Variants in RMST observed in about 807,000 individuals in gnomAD.
RMST encodes long intergenic non-protein coding RNA 54.
chr12:97,519,110 C>T (rs1481975065), intron 10 of RMST, among the ~76,000 whole-genome samples: 1 of 152,154 alleles, frequency 6.6e-6, no homozygotes, highest in Non-Finnish European at 1.5e-5. Context: ...AATTCTATAT[C>T]TTTATCCCTC....
intron 5 of RMST, among the ~76,000 whole-genome samples, chr12:97,482,562 C>A (rs1875441727): frequency 6.7e-6 from 1 of 150,198 alleles, no homozygotes; most frequent in South Asian, 2.1e-4. Context: ...GCAGGAATTT[C>A]TCAAAGATTA....
At chr12:97,532,645 G>GTTTTTTTT (rs34556876) in intron 11 of RMST, 19 of 98,370 alleles carry the variant, frequency 1.9e-4, no homozygotes, top group African/African-American at 7.3e-4. Flanking sequence ...CTGATGTCCC[G>GTTTTTTTT]TTTTTTTTTT....
chr12:97,470,916 TA>T (rs1259730613), intron 5 of RMST, among the ~76,000 whole-genome samples: 2 of 152,106 alleles, frequency 1.3e-5, no homozygotes, highest in Non-Finnish European at 2.9e-5. Flanking sequence ...TTATTTTCAA[TA>T]AAAGCCGAAT....
chr12:97,463,661 C>G (rs369212534), intron 4 of RMST, among the ~76,000 whole-genome samples: 3 of 152,150 alleles, frequency 2.0e-5, no homozygotes, highest in African/African-American at 7.2e-5. Flanking sequence ...TATTTTTACA[C>G]TCAACTGTAC....
intron 5 of RMST, among the ~76,000 whole-genome samples, chr12:97,479,822 T>A (rs1331675495): frequency 1.3e-5 from 2 of 152,220 alleles, no homozygotes; most frequent in Non-Finnish European, 2.9e-5. Flanking sequence ...GTCTCTTGTC[T>A]GCAGTTCAGA....
chr12:97,473,493 A>G (rs898784238), intron 5 of RMST, among the ~76,000 whole-genome samples: 3 of 152,134 alleles, frequency 2.0e-5, no homozygotes, highest in Non-Finnish European at 2.9e-5. Context: ...AGTTTACATC[A>G]TTGCTTGTGC....
At chr12:97,555,699 G>A (rs1426655091) in intron 11 of RMST, among the ~76,000 whole-genome samples, 1 of 152,206 alleles carries the variant, frequency 6.6e-6, no homozygotes, top group Non-Finnish European at 1.5e-5. Context: ...CAGACTGTCT[G>A]TCTGTCTCTG....
intron 10 of RMST, among the ~76,000 whole-genome samples, chr12:97,510,623 A>G (rs1879176931): frequency 6.6e-6 from 1 of 152,214 alleles, no homozygotes; most frequent in Non-Finnish European, 1.5e-5. Context: ...TTTTCACCAA[A>G]TTGCCAAATT....
intron 5 of RMST, chr12:97,483,559 T>C (rs1245290667): frequency 6.6e-6 from 1 of 152,208 alleles, no homozygotes; most frequent in African/African-American, 2.4e-5. Context: ...CAGAACAATG[T>C]GACCAACAGA....
intron 10 of RMST, among the ~76,000 whole-genome samples, chr12:97,505,724 A>G (rs1328480304): frequency 6.6e-6 from 1 of 152,212 alleles, no homozygotes; most frequent in East Asian, 1.9e-4. Flanking sequence ...CTTTCAATAT[A>G]ATCCAGAGAG....
intron 10 of RMST, among the ~76,000 whole-genome samples, chr12:97,503,475 G>T (rs1482783301): frequency 1.3e-5 from 2 of 150,382 alleles, no homozygotes; most frequent in African/African-American, 4.9e-5. Flanking sequence ...AAAAAAAGGT[G>T]GGATGCTTAT....
At chr12:97,502,610 G>GCCA (rs1219495927) in intron 10 of RMST, among the ~76,000 whole-genome samples, 1 of 151,914 alleles carries the variant, frequency 6.6e-6, no homozygotes, top group African/African-American at 2.4e-5. Context: ...ACAAGCTCAT[G>GCCA]CCACCATGCC....
chr12:97,550,355 G>A (rs1043498720), intron 11 of RMST, among the ~76,000 whole-genome samples: 4 of 152,048 alleles, frequency 2.6e-5, no homozygotes, highest in East Asian at 1.9e-4. Flanking sequence ...TCATGCCATC[G>A]CACTCCAGCT....
chr12:97,469,256 A>G (rs902645607), intron 5 of RMST, among the ~76,000 whole-genome samples: 2 of 151,274 alleles, frequency 1.3e-5, no homozygotes, highest in African/African-American at 4.9e-5. Flanking sequence ...AGTATATACA[A>G]TTTAGAAGAA....
At chr12:97,520,955 A>C (rs550011666) in intron 10 of RMST, among the ~76,000 whole-genome samples, 1 of 152,346 alleles carries the variant, frequency 6.6e-6, no homozygotes, top group Admixed American at 6.5e-5. Context: ...AATCAGAACA[A>C]ATCCATATGG....
intron 10 of RMST, among the ~76,000 whole-genome samples, chr12:97,509,156 C>T (rs1879013602): frequency 6.6e-6 from 1 of 152,138 alleles, no homozygotes; most frequent in Admixed American, 6.5e-5. Flanking sequence ...TTCTCCCTTG[C>T]ATTCTAGTTA....
In RMST at chr12:97,476,016, CT is replaced by C. The variant is rs1391108059; in HGVS notation, n.644+10293del. Among the ~76,000 whole-genome samples the C allele has an allele frequency of 3.9e-5, 6 of 152,038 alleles. No individual in the cohort carries two copies. In the East Asian group the frequency reaches 1.2e-3, roughly 29 times the overall value. On this transcript the variant is annotated intron_variant and non_coding_transcript_variant, in intron 5 of 13. Transcript: ENST00000640149. ...TATATGCTATGAGAGCTGCTTTATG[CT>C]TTTCTTTTTGAAGATGTTGATGGTG...
chr12:97,493,608 A>G (rs1469249137), intron 7 of RMST, among the ~76,000 whole-genome samples: 1 of 152,162 alleles, frequency 6.6e-6, no homozygotes, highest in African/African-American at 2.4e-5. Context: ...TACGATATAA[A>G]AGAGTCTCTC....
At chr12:97,537,159 C>T (rs1273434286) in intron 11 of RMST, among the ~76,000 whole-genome samples, 1 of 151,334 alleles carries the variant, frequency 6.6e-6, no homozygotes, top group Non-Finnish European at 1.5e-5. Context: ...AATAAAATGA[C>T]ACATACTGAG....
Sources: gnomAD v4.1 joint callset for allele counts (sites outside exome capture counted in the v4.1 genomes callset) on GRCh38, gnomAD v4.1.1 for gene constraint, MANE v1.5 for transcripts, NCBI Gene and HGNC (gene_info 2026-07-23, HGNC 2026-07-21) for gene names.